The following NTM variants were observed in gnomAD, a reference collection of about 807,000 sequenced individuals.
NTM encodes IgLON family member 2.
NTM carries 13 observed loss-of-function variants against 42.1 expected under a neutral mutation model. The ratio of observed to expected loss-of-function variants is 0.31; its 90% CI spans 0.20 to 0.49. The LOEUF is 0.49. NTM is among the 20% of genes least tolerant of loss of function. The pLI is 0.99. For synonymous variants in NTM, 187 were observed against 179.2 expected, an observed-to-expected ratio of 1.04 and a Z score of -0.35; for missense variants, 373 against 452.8, an observed-to-expected ratio of 0.82 and a Z score of 1.60.
chr11:131,558,106 C>T (rs556512508), intron 1 of NTM, among the ~76,000 whole-genome samples: 1 of 152,308 alleles, frequency 6.6e-6, no homozygotes, highest in South Asian at 2.1e-4. Context: ...TTGAGCCCAG[C>T]CTCTTGAGAA....
chr11:131,945,991 AC>A (rs1173047371), intron 2 of NTM, among the ~76,000 whole-genome samples: 1 of 152,202 alleles, frequency 6.6e-6, no homozygotes, highest in African/African-American at 2.4e-5. Flanking sequence ...ATGTATCTAT[AC>A]ATTGTATACA....
chr11:131,494,980 A>G (rs985490141), intron 1 of NTM, among the ~76,000 whole-genome samples: 11 of 152,204 alleles, frequency 7.2e-5, no homozygotes, highest in Admixed American at 6.5e-4. Flanking sequence ...CACCATCCTT[A>G]ATTGCATAAT....
At chr11:131,876,740 T>C (rs2137179361) in intron 1 of NTM, among the ~76,000 whole-genome samples, 1 of 152,320 alleles carries the variant, frequency 6.6e-6, no homozygotes, top group East Asian at 1.9e-4. Context: ...TTTTTCTGTC[T>C]GTGAATAAAA....
At chr11:132,093,598 T>A (rs1453235386) in intron 2 of NTM, among the ~76,000 whole-genome samples, 2 of 152,210 alleles carry the variant, frequency 1.3e-5, no homozygotes, top group Admixed American at 1.3e-4. Flanking sequence ...TCTGTCTTTT[T>A]TGATATTGCA....
rs557228762 is a variant in NTM, at chr11:131,875,582, T to A, written c.83-35982T>A. Among the ~76,000 whole-genome samples, 48 of 152,336 alleles carry A rather than the reference T, an allele frequency of 3.2e-4. 1 individual carries two copies. Among genetic ancestry groups the A allele is most frequent in the Non-Finnish European group, 4.3e-4 (29 of 68,032 alleles). On this transcript the variant is annotated intron_variant, in intron 1 of 8. Coordinates refer to ENST00000683400, the MANE Select transcript of NTM (RefSeq NM_001352005.2). ...AAAAAGAAAGCTATACCCAAGGAAA[T>A]CAGAGACGCCTTTTGTAGCATTGTG...
intron 1 of NTM, among the ~76,000 whole-genome samples, chr11:131,566,306 G>A (rs2137045050): frequency 1.3e-5 from 2 of 152,268 alleles, no homozygotes; most frequent in Admixed American, 1.3e-4. Flanking sequence ...AGTCTCCCTT[G>A]CAGAATGTAC....
intron 2 of NTM, among the ~76,000 whole-genome samples, chr11:132,078,711 A>G (rs1171861592): frequency 6.6e-6 from 1 of 152,142 alleles, no homozygotes; most frequent in Non-Finnish European, 1.5e-5. Flanking sequence ...TTTTCCCTTT[A>G]ATTTTTAGAT....
chr11:131,770,578 AT>A (rs1331729070), intron 1 of NTM, among the ~76,000 whole-genome samples: 2 of 152,114 alleles, frequency 1.3e-5, no homozygotes, highest in Admixed American at 6.5e-5. Flanking sequence ...GAGTTATAAA[AT>A]TTTTTTAATA....
intron 1 of NTM, among the ~76,000 whole-genome samples, chr11:131,786,816 A>G (rs1034346243): frequency 1.3e-5 from 2 of 152,348 alleles, no homozygotes; most frequent in Non-Finnish European, 2.9e-5. Flanking sequence ...CTGAAGAGGC[A>G]TTCTTAGACT....
At chr11:131,833,227 T>C (rs2043049770) in intron 1 of NTM, among the ~76,000 whole-genome samples, 1 of 152,228 alleles carries the variant, frequency 6.6e-6, no homozygotes. Context: ...AGGTGAGCTT[T>C]GTAGTCACAT....
intron 1 of NTM, among the ~76,000 whole-genome samples, chr11:131,525,078 T>C (rs1410987963): frequency 6.6e-6 from 1 of 151,706 alleles, no homozygotes; most frequent in Admixed American, 6.6e-5. Flanking sequence ...ATCAGAGTAA[T>C]TCTCAGGGGG....
Position 132,270,647 on chromosome 11 carries a change from A to AT in NTM, c.527-37037dup, listed in dbSNP as rs201790301. Among the ~76,000 whole-genome samples the AT allele has an allele frequency of 1.3e-3, 184 of 139,912 alleles. 1 individual carries two copies. Among genetic ancestry groups the AT allele is most frequent in the Middle Eastern group, 0.01 (3 of 286 alleles). The allele number at this position is 139,912 out of a possible 152,430, so 91.8% of individuals were successfully genotyped here. On this transcript the variant is annotated intron_variant, in intron 4 of 8. Coordinates refer to ENST00000683400, the MANE Select transcript of NTM (RefSeq NM_001352005.2). ...TTTTTGTATATGTCTTTATAAATTT[A>AT]TTTTTATTTTTTTTTTTACTTTTTT...
At chr11:131,817,472 C>T (rs1730695083) in intron 1 of NTM, among the ~76,000 whole-genome samples, 1 of 152,140 alleles carries the variant, frequency 6.6e-6, no homozygotes, top group South Asian at 2.1e-4. Flanking sequence ...TTTGCTTCAG[C>T]CTGACCTAGA....
chr11:132,281,788 C>G (rs1019206729), intron 4 of NTM, among the ~76,000 whole-genome samples: 9 of 152,084 alleles, frequency 5.9e-5, no homozygotes, highest in South Asian at 2.1e-4. Context: ...AGGAATATAG[C>G]CTTGTGAATT....
chr11:132,088,236 G>A (rs2136366939), intron 2 of NTM, among the ~76,000 whole-genome samples: 1 of 152,352 alleles, frequency 6.6e-6, no homozygotes, highest in Non-Finnish European at 1.5e-5. Context: ...CGACCCCTGA[G>A]AGTGAGTGGG....
At chr11:131,531,692 G>A (rs1471206356) in intron 1 of NTM, among the ~76,000 whole-genome samples, 1 of 152,186 alleles carries the variant, frequency 6.6e-6, no homozygotes, top group Non-Finnish European at 1.5e-5. Flanking sequence ...TGAGTTAGGA[G>A]TGTTACTCTG....
At chr11:131,526,859 C>T (rs1179429385) in intron 1 of NTM, among the ~76,000 whole-genome samples, 1 of 152,130 alleles carries the variant, frequency 6.6e-6, no homozygotes, top group Non-Finnish European at 1.5e-5. Context: ...AGACTGCTGC[C>T]AAAGTGACAA....
chr11:132,217,161 C>T (rs1030631402), intron 4 of NTM, among the ~76,000 whole-genome samples: 3 of 152,204 alleles, frequency 2.0e-5, no homozygotes, highest in African/African-American at 7.2e-5. Context: ...GTCTAAACCC[C>T]GGATGACTCC....
chr11:131,482,712 G>A (rs917630211), intron 1 of NTM, among the ~76,000 whole-genome samples: 1 of 152,150 alleles, frequency 6.6e-6, no homozygotes, highest in African/African-American at 2.4e-5. Flanking sequence ...TACCTCATAA[G>A]CTAATCTTCT....
Sources: allele counts gnomAD v4.1 joint callset (sites outside exome capture counted in the v4.1 genomes callset), GRCh38; gene constraint gnomAD v4.1.1; transcripts MANE v1.5; gene names NCBI Gene and HGNC (gene_info 2026-07-23, HGNC 2026-07-21).